UBE2Q2: variants seen among roughly 807,000 people sequenced by gnomAD.
The protein encoded by UBE2Q2 is ubiquitin-conjugating enzyme E2 Q2.
Under a neutral mutation model 59.9 loss-of-function variants are expected in UBE2Q2, and 54 were observed. That is an observed-to-expected ratio of 0.90 (90% CI 0.72 to 1.13). UBE2Q2 has a LOEUF of 1.13. Among genes scored for constraint, UBE2Q2 ranks in the 50% most tolerant of loss-of-function variants. The probability of loss-of-function intolerance (pLI) is 0.00; values close to 1 mark genes in which losing one functional copy is unlikely to be tolerated. For missense variants in UBE2Q2, 433 were observed against 441.9 expected, an observed-to-expected ratio of 0.98 and a Z score of 0.18; for synonymous variants, 165 against 155.2, an observed-to-expected ratio of 1.06 and a Z score of -0.47.
chr15:75,871,413 G>GGCTGGGGGAC (rs1897782698), intron 4 of UBE2Q2, among the ~76,000 whole-genome samples: 1 of 152,222 alleles, frequency 6.6e-6, no homozygotes, highest in Non-Finnish European at 1.5e-5. Flanking sequence ...ACGGGTGTCA[G>GGCTGGGGGAC]GCTGGGGGAC....
At chr15:75,856,269 G>GTGTGTGTGTGTGTGTGTGTATATATATA (rs1256142539) in intron 2 of UBE2Q2, among the ~76,000 whole-genome samples, 1 of 139,278 alleles carries the variant, frequency 7.2e-6, no homozygotes, top group African/African-American at 2.7e-5. Context: ...GTGTGTGTGT[G>GTGTGTGTGTGTGTGTGTGTATATATATA]TATATATATA....
At chr15:75,882,405 G>C (rs1282663017) in intron 8 of UBE2Q2, among the ~76,000 whole-genome samples, 7 of 152,050 alleles carry the variant, frequency 4.6e-5, no homozygotes, top group Non-Finnish European at 1.0e-4. Flanking sequence ...AGACTTTATG[G>C]AATAGAGCCC....
intron 8 of UBE2Q2, among the ~76,000 whole-genome samples, chr15:75,882,266 G>A (rs1474248475): frequency 6.6e-6 from 1 of 152,126 alleles, no homozygotes; most frequent in Non-Finnish European, 1.5e-5. Context: ...TAGAGTCTGA[G>A]AGTCTGTTTC....
At chr15:75,869,482 T>C (rs1897672032) in intron 4 of UBE2Q2, among the ~76,000 whole-genome samples, 1 of 152,204 alleles carries the variant, frequency 6.6e-6, no homozygotes, top group South Asian at 2.1e-4. Flanking sequence ...GGAGACTGGG[T>C]AATTTATAAA....
intron 6 of UBE2Q2, 103 bp from the exon 7 acceptor site, chr15:75,877,858 C>A: frequency 9.8e-7 from 1 of 1,015,922 alleles, no homozygotes; most frequent in Non-Finnish European, 1.4e-6. Context: ...GTTTTAAGAG[C>A]AAAATTTCTA....
intron 8 of UBE2Q2, among the ~76,000 whole-genome samples, chr15:75,882,251 C>T (rs1898473352): frequency 6.6e-6 from 1 of 152,044 alleles, no homozygotes; most frequent in Admixed American, 6.6e-5. Flanking sequence ...TTCTGAGATC[C>T]TTTATAGAGT....
rs1160160584 is a variant in UBE2Q2, at chr15:75,847,357, T to G, written c.180+3511T>G. The stretch of plus-strand genomic sequence containing the variant: ...TAAGGGCTTGATGGAAGTCTGTAAA[T>G]TGACTTCATATGAGAGTGTAAGAAG... On this transcript the variant is annotated intron_variant, in intron 1 of 12. Coordinates refer to ENST00000267938, the MANE Select transcript of UBE2Q2 (RefSeq NM_173469.4). Among the ~76,000 whole-genome samples, 4 of 152,202 alleles carry G rather than the reference T, an allele frequency of 2.6e-5. No homozygotes were observed. The East Asian group carries it at 7.7e-4, about 29-fold the overall frequency.
intron 8 of UBE2Q2, among the ~76,000 whole-genome samples, chr15:75,882,771 A>G (rs576420218): frequency 3.3e-5 from 5 of 152,282 alleles, no homozygotes; most frequent in African/African-American, 9.6e-5. Context: ...TGAGATGATT[A>G]AAGCTGGCTG....
intron 1 of UBE2Q2, among the ~76,000 whole-genome samples, chr15:75,845,930 C>G (rs576576615): frequency 6.6e-6 from 1 of 152,232 alleles, no homozygotes; most frequent in Admixed American, 6.5e-5. Flanking sequence ...TTAGTGAGGA[C>G]TAGTGTAATG....
intron 1 of UBE2Q2, among the ~76,000 whole-genome samples, chr15:75,851,945 T>C (rs1344333592): frequency 1.3e-5 from 2 of 152,200 alleles, no homozygotes; most frequent in Non-Finnish European, 2.9e-5. Context: ...TGATCACAGC[T>C]CAGTGGAGAC....
chr15:75,884,519 T>C (rs1162832847), intron 9 of UBE2Q2, among the ~76,000 whole-genome samples: 1 of 152,198 alleles, frequency 6.6e-6, no homozygotes, highest in African/African-American at 2.4e-5. Flanking sequence ...TACAGAATAG[T>C]TATTTGGGCA....
chr15:75,860,839 C>G (rs2141578048), intron 3 of UBE2Q2, among the ~76,000 whole-genome samples: 1 of 152,240 alleles, frequency 6.6e-6, no homozygotes, highest in East Asian at 1.9e-4. Context: ...TTTCTTGGAT[C>G]CCATGCCATC....
In UBE2Q2 at chr15:75,873,488, T is replaced by G. The variant is rs151262694; in HGVS notation, c.508T>G (p.Ser170Ala). 1.9e-6 allele frequency: 3 copies of G among 1,613,660 alleles called. No individual in the cohort carries two copies. Among genetic ancestry groups the G allele is most frequent in the Non-Finnish European group, 2.5e-6 (3 of 1,179,900 alleles). Residue 170 changes from serine to alanine, a missense_variant, in exon 5 of 13, where the codon TCA becomes GCA. Transcript: ENST00000267938. ...AGAAGAGCCTATTAGTGGGAAAAAG[T>G]CAGAGGATGAAGGAATTGAAAAAGA... ...KEEEPISGKK[S>A]EDEGIEKENL...
At chr15:75,857,127 C>T (rs978956789) in intron 2 of UBE2Q2, among the ~76,000 whole-genome samples, 5 of 151,874 alleles carry the variant, frequency 3.3e-5, no homozygotes, top group South Asian at 2.1e-4. Context: ...TGCACACGTA[C>T]GTACGTATGT....
Position 75,868,983 on chromosome 15 carries a change from AGAG to A in UBE2Q2, c.423_425del (p.Glu146del). On this transcript the variant is annotated inframe_deletion, in exon 4 of 13. Transcript: ENST00000267938. The stretch of plus-strand genomic sequence containing the variant: ...CAACAGAAGAAGTGACTTCAGAAGA[AGAG>A]GAAGAAGAAGAAGAGATGGCTGAAG... 6.2e-7 allele frequency: 1 copy of A among 1,612,884 alleles called. No homozygotes were observed. The highest frequency in any genetic ancestry group is 8.5e-7 in the Non-Finnish European group (1 of 1,179,206).
intron 2 of UBE2Q2, among the ~76,000 whole-genome samples, chr15:75,856,039 TAGC>T (rs1896886571): frequency 6.6e-6 from 1 of 151,800 alleles, no homozygotes; most frequent in Non-Finnish European, 1.5e-5. Flanking sequence ...ATACAAAAAT[TAGC>T]AGGGTGTAGT....
chr15:75,895,946 T>C (rs1194312631), intron 11 of UBE2Q2, among the ~76,000 whole-genome samples: 4 of 152,184 alleles, frequency 2.6e-5, no homozygotes, highest in South Asian at 4.1e-4. Context: ...CAGCAAAATA[T>C]TGAGAAACCC....
At chr15:75,864,657 A>G (rs1897366549) in intron 3 of UBE2Q2, among the ~76,000 whole-genome samples, 1 of 150,364 alleles carries the variant, frequency 6.7e-6, no homozygotes, top group South Asian at 2.1e-4. Flanking sequence ...AAGCTGTTGC[A>G]TCATATTCAC....
At chr15:75,863,171 T>C (rs904234537) in intron 3 of UBE2Q2, among the ~76,000 whole-genome samples, 5 of 152,208 alleles carry the variant, frequency 3.3e-5, no homozygotes, top group African/African-American at 1.2e-4. Flanking sequence ...TGTCTGAGTC[T>C]AGAGCCTCTT....
Sources: gnomAD v4.1 joint callset for allele counts (sites outside exome capture counted in the v4.1 genomes callset) on GRCh38, gnomAD v4.1.1 for gene constraint, MANE v1.5 for transcripts, NCBI Gene and HGNC (gene_info 2026-07-23, HGNC 2026-07-21) for gene names.